The following ZNF143 variants were observed in gnomAD, a reference collection of about 807,000 sequenced individuals.
The protein encoded by ZNF143 is SPH-binding factor.
In ZNF143, 49 loss-of-function variants were observed where a neutral mutation model predicts 74.1. The observed-to-expected ratio is 0.66, with a 90% confidence interval of 0.53 to 0.84. The LOEUF (loss-of-function observed/expected upper bound fraction) is 0.84. ZNF143 is among the 40% of genes least tolerant of loss of function. The pLI is 0.00. For missense variants in ZNF143, 637 were observed against 793.4 expected, an observed-to-expected ratio of 0.80 and a Z score of 2.37; for synonymous variants, 304 against 282.8, an observed-to-expected ratio of 1.07 and a Z score of -0.75.
chr11:9,474,708 C>A, intron 5 of ZNF143, 75 bp downstream of exon 5: 2 of 1,342,380 alleles, frequency 1.5e-6, no homozygotes, highest in Non-Finnish European at 2.1e-6. Context: ...CTGTGTTTAG[C>A]TTCTGAATTG....
At chr11:9,515,932 T>G (rs1361135675) in intron 13 of ZNF143, among the ~76,000 whole-genome samples, 1 of 149,026 alleles carries the variant, frequency 6.7e-6, no homozygotes, top group Non-Finnish European at 1.5e-5. Context: ...CTTCAGTGAT[T>G]TATGATTGCA....
chr11:9,491,278 G>A (rs1171074298), intron 7 of ZNF143, among the ~76,000 whole-genome samples: 3 of 151,580 alleles, frequency 2.0e-5, no homozygotes, highest in Non-Finnish European at 2.9e-5. Flanking sequence ...AAGTTTTTGA[G>A]ACAGGGTCTT....
At chr11:9,518,106 A>G (rs1310610306) in intron 14 of ZNF143, among the ~76,000 whole-genome samples, 1 of 152,254 alleles carries the variant, frequency 6.6e-6, no homozygotes, top group Non-Finnish European at 1.5e-5. Context: ...TAAAATGTAC[A>G]AATCATTCCG....
chr11:9,500,235 C>G (rs1160748678), intron 10 of ZNF143, among the ~76,000 whole-genome samples: 1 of 152,048 alleles, frequency 6.6e-6, no homozygotes, highest in East Asian at 1.9e-4. Flanking sequence ...GCATGTGCTG[C>G]TGTGCCTGGC....
rs184666664 is a variant in ZNF143, at chr11:9,464,594, C to T, written c.-8+3518C>T. Among the ~76,000 whole-genome samples the T allele has an allele frequency of 2.0e-5, 3 of 151,750 alleles. No homozygotes were observed. In the East Asian group the frequency reaches 5.8e-4, roughly 29 times the overall value. ...CCAGCCTGGGGGACAGAACAAGACC[C>T]TGTCTCAATCAATCAATCAATCAAT... On this transcript the variant is annotated intron_variant, in intron 1 of 15. Coordinates refer to ENST00000396602, the MANE Select transcript of ZNF143 (RefSeq NM_003442.6).
chr11:9,512,430 T>C lies in ZNF143; in HGVS notation c.1376-18T>C, dbSNP rs1355118020. On this transcript the variant is annotated intron_variant, in intron 12 of 15. Transcript: ENST00000396602. Reference sequence around the variant, plus strand: ...ATTGGTTGGTTGGTCAAATAAATGATTCATTTGTTTTAAACAGGTCAAGGT... The same window carrying C: ...ATTGGTTGGTTGGTCAAATAAATGACTCATTTGTTTTAAACAGGTCAAGGT... The C allele has an allele frequency of 1.9e-6, 3 of 1,598,072 alleles. No individual in the cohort carries two copies. The highest frequency in any genetic ancestry group is 1.1e-5 in the South Asian group (1 of 89,506).
intron 7 of ZNF143, among the ~76,000 whole-genome samples, chr11:9,490,143 G>A (rs190043537): frequency 9.6e-4 from 146 of 152,068 alleles, no homozygotes; most frequent in Non-Finnish European, 1.5e-3. Flanking sequence ...GTGATTGTGC[G>A]ACTGTACTAT....
chr11:9,490,733 A>G (rs1847741029), intron 7 of ZNF143, among the ~76,000 whole-genome samples: 2 of 152,152 alleles, frequency 1.3e-5, no homozygotes, highest in African/African-American at 4.8e-5. Flanking sequence ...TGAGCAATAA[A>G]CAGAAACTGA....
At chr11:9,472,798 T>A in intron 3 of ZNF143, 29 bp downstream of exon 3, 1 of 1,494,580 alleles carries the variant, frequency 6.7e-7, no homozygotes, top group African/African-American at 1.4e-5. Flanking sequence ...GCTGATTGGT[T>A]AATACCAGTG....
chr11:9,462,251 C>G (rs1261204209), intron 1 of ZNF143, among the ~76,000 whole-genome samples: 1 of 121,642 alleles, frequency 8.2e-6, no homozygotes, highest in African/African-American at 2.9e-5. Flanking sequence ...TCTACAGATA[C>G]TTGAGTGCCT....
In ZNF143 at chr11:9,482,599, C is replaced by T. The variant is rs990444148; in HGVS notation, c.645+3053C>T. On this transcript the variant is annotated intron_variant, in intron 7 of 15. Transcript: ENST00000396602. ...AATCCCATTACTCTTTATCTGTAGA[C>T]ATATTACCATTTGGTATTGGTACCA... Among the ~76,000 whole-genome samples the T allele has an allele frequency of 5.3e-5, 8 of 151,330 alleles. No individual in the cohort carries two copies. The East Asian group carries it at 1.5e-3, about 29-fold the overall frequency.
At chr11:9,498,060 G>C (rs1182461203) in intron 10 of ZNF143, among the ~76,000 whole-genome samples, 2 of 151,846 alleles carry the variant, frequency 1.3e-5, no homozygotes, top group African/African-American at 4.8e-5. Context: ...TCAATCTTCT[G>C]ACCTCGTGAT....
chr11:9,480,885 C>CA (rs34087710), intron 7 of ZNF143, among the ~76,000 whole-genome samples: 6,065 of 104,888 alleles, frequency 0.058, 301 homozygotes, highest in African/African-American at 0.15. Context: ...GAAACTGTCT[C>CA]AAAAAAAAAA....
rs1291289425 is a variant in ZNF143 at position 9,504,707 on chromosome 11, C to T, written c.1147+3437C>T. On this transcript the variant is annotated intron_variant, in intron 11 of 15. Transcript: ENST00000396602. Reference sequence around the variant, plus strand: ...TTTTTTTTTTTGAGACAGCGTCTCGCTCTGTTGCCCAGGCTGGAGTGCAAT... The same window carrying T: ...TTTTTTTTTTTGAGACAGCGTCTCGTTCTGTTGCCCAGGCTGGAGTGCAAT... Among the ~76,000 whole-genome samples the T allele has an allele frequency of 5.6e-5, 6 of 107,030 alleles. 1 individual carries two copies. Among genetic ancestry groups the T allele is most frequent in the African/African-American group, 1.8e-4 (6 of 33,056 alleles). 70.2% of individuals were successfully genotyped at this position (107,030 alleles called of 152,430 possible). A position where few individuals can be genotyped will look rare whatever the true frequency, so the allele number is the denominator to read the frequency against.
intron 13 of ZNF143, among the ~76,000 whole-genome samples, chr11:9,513,606 C>T (rs1230023120): frequency 2.6e-5 from 4 of 152,234 alleles, no homozygotes; most frequent in South Asian, 2.1e-4. Context: ...CTGTCTTAGG[C>T]AATCTGGGTC....
At chr11:9,508,886 G>A (rs1411553905) in intron 12 of ZNF143, 40 bp downstream of exon 12, 2 of 1,530,280 alleles carry the variant, frequency 1.3e-6, no homozygotes, top group South Asian at 1.2e-5. Flanking sequence ...CTGAGTTTGA[G>A]AATCAACAGT....
intron 15 of ZNF143, 192 bp downstream of exon 15, chr11:9,525,578 C>G (rs915927210): frequency 2.8e-6 from 2 of 712,294 alleles, no homozygotes; most frequent in African/African-American, 3.6e-5. Context: ...CTCTACCCAT[C>G]TTTGCATATT....
At chr11:9,483,385 C>T (rs1373775303) in intron 7 of ZNF143, among the ~76,000 whole-genome samples, 1 of 145,238 alleles carries the variant, frequency 6.9e-6, no homozygotes, top group Non-Finnish European at 1.5e-5. Context: ...ACAACCTCCA[C>T]CTGCTCAGTT....
At chr11:9,497,211 G>A (rs954234798) in intron 9 of ZNF143, among the ~76,000 whole-genome samples, 1 of 152,116 alleles carries the variant, frequency 6.6e-6, no homozygotes, top group African/African-American at 2.4e-5. Flanking sequence ...TGGCAGTCCC[G>A]AGCTATGATA....
Sources: allele counts gnomAD v4.1 joint callset (sites outside exome capture counted in the v4.1 genomes callset), GRCh38; gene constraint gnomAD v4.1.1; transcripts MANE v1.5; gene names NCBI Gene and HGNC (gene_info 2026-07-23, HGNC 2026-07-21).